Variants in POU6F2 observed in about 807,000 individuals in gnomAD.
The protein encoded by POU6F2 is POU class 6 homeobox 2, also known as POU domain, class 6, transcription factor 2.
POU6F2 carries 31 observed loss-of-function variants against 71.3 expected under a neutral mutation model. The observed-to-expected ratio is 0.43, with a 90% CI of 0.33 to 0.59. The LOEUF (loss-of-function observed/expected upper bound fraction) is 0.59, where lower values mean the gene tolerates loss of function less well. POU6F2 is among the 20% of genes least tolerant of loss of function. The pLI is 0.04. For synonymous variants in POU6F2, 347 were observed against 355.7 expected, an observed-to-expected ratio of 0.98 and a Z score of 0.27; for missense variants, 783 against 856.8, an observed-to-expected ratio of 0.91 and a Z score of 1.07.
chr7:39,313,302 C>T (rs1016955333), intron 4 of POU6F2, among the ~76,000 whole-genome samples: 2 of 152,022 alleles, frequency 1.3e-5, no homozygotes, highest in Non-Finnish European at 2.9e-5. Context: ...TGTCTTATTC[C>T]CTCACTTATT....
chr7:39,029,189 A>G (rs10951588), intron 1 of POU6F2, among the ~76,000 whole-genome samples: 61,965 of 152,012 alleles, frequency 0.41, 13,000 homozygotes, highest in South Asian at 0.5. Flanking sequence ...TAAAATTATC[A>G]TTGCTAGTAC....
intron 1 of POU6F2, among the ~76,000 whole-genome samples, chr7:39,067,681 CA>C (rs1421831726): frequency 6.6e-6 from 1 of 151,970 alleles, no homozygotes; most frequent in Non-Finnish European, 1.5e-5. Flanking sequence ...CAATAAATGT[CA>C]GTTATTACAT....
intron 2 of POU6F2, among the ~76,000 whole-genome samples, chr7:39,137,209 A>C (rs1015279367): frequency 3.3e-5 from 5 of 152,178 alleles, no homozygotes; most frequent in African/African-American, 1.2e-4. Flanking sequence ...CCCTGATTTG[A>C]TAATTACACA....
At chr7:39,314,299 CA>C (rs1481239003) in intron 4 of POU6F2, among the ~76,000 whole-genome samples, 8 of 152,182 alleles carry the variant, frequency 5.3e-5, no homozygotes, top group Non-Finnish European at 1.2e-4. Context: ...TGTAATTGAG[CA>C]AGCAGATCAT....
chr7:39,178,499 T>G (rs1224386998), intron 2 of POU6F2, among the ~76,000 whole-genome samples: 4 of 152,188 alleles, frequency 2.6e-5, no homozygotes, highest in Non-Finnish European at 5.9e-5. Flanking sequence ...TTAAATATGC[T>G]TTTAAAACTA....
At chr7:39,116,446 G>A (rs540380708) in intron 2 of POU6F2, among the ~76,000 whole-genome samples, 3 of 152,126 alleles carry the variant, frequency 2.0e-5, no homozygotes, top group Non-Finnish European at 4.4e-5. Context: ...AGTGTTTATT[G>A]AATGTTTACA....
chr7:39,452,570 G>A (rs933326340), intron 8 of POU6F2, among the ~76,000 whole-genome samples: 1 of 152,226 alleles, frequency 6.6e-6, no homozygotes, highest in African/African-American at 2.4e-5. Context: ...TTGGTCAAGT[G>A]TCATGAATGA....
At chr7:38,984,039 C>T (rs1788398316) in intron 1 of POU6F2, among the ~76,000 whole-genome samples, 1 of 151,994 alleles carries the variant, frequency 6.6e-6, no homozygotes, top group African/African-American at 2.4e-5. Context: ...AAATGCAACC[C>T]TATTCCTTTC....
intron 4 of POU6F2, among the ~76,000 whole-genome samples, chr7:39,268,979 TAC>T (rs1784298444): frequency 6.6e-6 from 1 of 152,234 alleles, no homozygotes; most frequent in South Asian, 2.1e-4. Flanking sequence ...TGTTTATAAG[TAC>T]AAAAAGTCAC....
At chr7:39,401,999 G>A (rs771912421) in intron 5 of POU6F2, among the ~76,000 whole-genome samples, 6 of 152,110 alleles carry the variant, frequency 3.9e-5, no homozygotes, top group Admixed American at 6.5e-5. Flanking sequence ...TCATGCTGCC[G>A]TATTTTTGTA....
chr7:38,999,456 C>T (rs1788835954), intron 1 of POU6F2, among the ~76,000 whole-genome samples: 2 of 152,126 alleles, frequency 1.3e-5, no homozygotes, highest in African/African-American at 2.4e-5. Flanking sequence ...ATAACTTGTA[C>T]CCCTCAAGCA....
At chr7:39,289,334 C>T (rs375626533) in intron 4 of POU6F2, among the ~76,000 whole-genome samples, 1 of 152,228 alleles carries the variant, frequency 6.6e-6, no homozygotes, top group African/African-American at 2.4e-5. Context: ...ATGAAACCAC[C>T]CACCACGTGA....
At chr7:39,447,630 C>T (rs549182886) in intron 7 of POU6F2, among the ~76,000 whole-genome samples, 1 of 152,274 alleles carries the variant, frequency 6.6e-6, no homozygotes, top group East Asian at 1.9e-4. Context: ...AAACATTACT[C>T]ACATATTTGG....
At chr7:39,341,170 G>C (rs1785910028) in intron 5 of POU6F2, among the ~76,000 whole-genome samples, 1 of 152,194 alleles carries the variant, frequency 6.6e-6, no homozygotes, top group African/African-American at 2.4e-5. Context: ...AGGTGGATTA[G>C]AGACTTGGTA....
chr7:39,356,984 A>G (rs1786274518), intron 5 of POU6F2, among the ~76,000 whole-genome samples: 1 of 152,220 alleles, frequency 6.6e-6, no homozygotes, highest in Non-Finnish European at 1.5e-5. Context: ...TTTCCCTACC[A>G]TCTCAATAAC....
intron 4 of POU6F2, among the ~76,000 whole-genome samples, chr7:39,307,255 G>A (rs1043104895): frequency 6.6e-6 from 1 of 152,146 alleles, no homozygotes; most frequent in African/African-American, 2.4e-5. Flanking sequence ...TGTAGATCAT[G>A]AAGCATGTAT....
chr7:39,224,150 T>C (rs773357663), intron 4 of POU6F2, among the ~76,000 whole-genome samples: 3 of 152,140 alleles, frequency 2.0e-5, no homozygotes, highest in Non-Finnish European at 4.4e-5. Flanking sequence ...AGAATTGGTG[T>C]ACAAAAGCCC....
chr7:38,993,624 AC>A (rs1788662029), intron 1 of POU6F2, among the ~76,000 whole-genome samples: 2 of 151,680 alleles, frequency 1.3e-5, no homozygotes, highest in African/African-American at 2.4e-5. Flanking sequence ...ACACACACAC[AC>A]ACACACACAC....
At chr7:39,364,502 C>T (rs1786457998) in intron 5 of POU6F2, among the ~76,000 whole-genome samples, 2 of 152,066 alleles carry the variant, frequency 1.3e-5, no homozygotes, top group Non-Finnish European at 2.9e-5. Context: ...CACTTATGAG[C>T]GAGAACATAC....
Sources: gnomAD v4.1 joint callset for allele counts (sites outside exome capture counted in the v4.1 genomes callset) on GRCh38, gnomAD v4.1.1 for gene constraint, MANE v1.5 for transcripts, NCBI Gene and HGNC (gene_info 2026-07-23, HGNC 2026-07-21) for gene names.